CAP2: variants seen among roughly 807,000 people sequenced by gnomAD.
CAP2 encodes cyclase associated actin cytoskeleton regulatory protein 2, also known as adenylyl cyclase-associated protein 2.
In CAP2, 24 loss-of-function variants were observed where a neutral mutation model predicts 57.7. The observed-to-expected ratio is 0.42, with a 90% confidence interval of 0.30 to 0.58. The LOEUF is 0.58. CAP2 is among the 20% of genes least tolerant of loss of function. The pLI, the probability that CAP2 is intolerant of heterozygous loss-of-function variation, is 0.22. For missense variants in CAP2, 501 were observed against 590.3 expected, an observed-to-expected ratio of 0.85 and a Z score of 1.57; for synonymous variants, 194 against 207.2, an observed-to-expected ratio of 0.94 and a Z score of 0.55.
At chr6:17,414,749 T>C (rs1759234400) in intron 1 of CAP2, among the ~76,000 whole-genome samples, 2 of 152,228 alleles carry the variant, frequency 1.3e-5, no homozygotes. Flanking sequence ...GAATGATTTA[T>C]AATCCTTTGG....
At chr6:17,531,038 G>T in intron 7 of CAP2, 1 of 875,542 alleles carries the variant, frequency 1.1e-6, no homozygotes, top group South Asian at 1.3e-5. Flanking sequence ...TTGCTTCTTT[G>T]AAGTGTTTTC....
intron 1 of CAP2, among the ~76,000 whole-genome samples, chr6:17,416,667 TA>T (rs1759283763): frequency 6.6e-6 from 1 of 152,036 alleles, no homozygotes; most frequent in Admixed American, 6.6e-5. Flanking sequence ...TATTTAGACA[TA>T]AGGGGGAAGG....
At chr6:17,464,210 CTTTGT>C (rs1760803869) in intron 4 of CAP2, among the ~76,000 whole-genome samples, 1 of 152,112 alleles carries the variant, frequency 6.6e-6, no homozygotes. Flanking sequence ...TACCAGCATA[CTTTGT>C]TTTATCAGAA....
At chr6:17,522,514 C>T (rs1762416236) in intron 7 of CAP2, among the ~76,000 whole-genome samples, 1 of 152,196 alleles carries the variant, frequency 6.6e-6, no homozygotes, top group Non-Finnish European at 1.5e-5. Flanking sequence ...GCACGAAGAG[C>T]CACAAAAGGG....
Position 17,513,993 on chromosome 6 carries a change from C to T in CAP2, c.636+39C>T, listed in dbSNP as rs751813629. 1.2e-5 allele frequency: 15 copies of T among 1,230,552 alleles called. No homozygotes were observed. The highest frequency in any genetic ancestry group is 3.0e-5 in the African/African-American group (2 of 67,356). The allele number at this position is 1,230,552 out of a possible 1,614,324, so 76.2% of individuals were successfully genotyped here. ...CTTCCTCCACGTGTGTAAAAAAAGG[C>T]CATGACTATATATACACCCTGTGGC... On this transcript the variant is annotated intron_variant, in intron 7 of 12. Transcript: ENST00000229922. This position sits in a 1 kb window ranked among gnomAD's most constrained non-coding sequence, Gnocchi z 4.3.
intron 1 of CAP2, among the ~76,000 whole-genome samples, chr6:17,407,478 TG>T (rs1418410172): frequency 2.8e-5 from 4 of 140,358 alleles, no homozygotes; most frequent in African/African-American, 1.1e-4. Context: ...GAACCTGTCT[TG>T]AAAAAAAAAA....
intron 11 of CAP2, among the ~76,000 whole-genome samples, chr6:17,543,664 C>T (rs1385625040): frequency 1.9e-4 from 29 of 151,580 alleles, no homozygotes. Flanking sequence ...CCTTGCTCCC[C>T]CATGGCCACC....
chr6:17,406,407 T>TG (rs1758972300), intron 1 of CAP2, among the ~76,000 whole-genome samples: 1 of 144,296 alleles, frequency 6.9e-6, no homozygotes, highest in Non-Finnish European at 1.5e-5. Flanking sequence ...TCTTTTTTTT[T>TG]TTTTTTGAGG....
intron 4 of CAP2, among the ~76,000 whole-genome samples, chr6:17,489,851 G>C (rs890640589): frequency 6.6e-6 from 1 of 151,862 alleles, no homozygotes; most frequent in African/African-American, 2.4e-5. Flanking sequence ...CATGATAGTT[G>C]TGCCATTTAG....
chr6:17,431,903 A>G (rs1236580050), intron 3 of CAP2, among the ~76,000 whole-genome samples: 1 of 152,040 alleles, frequency 6.6e-6, no homozygotes, highest in Non-Finnish European at 1.5e-5. Flanking sequence ...TCACCATTAT[A>G]AAGAGCATCT....
At position 17,438,147 on chromosome 6, in the gene CAP2, C is replaced by G. The variant is rs539819665; in HGVS notation, c.222+11457C>G. On this transcript the variant is annotated intron_variant, in intron 3 of 12. Coordinates refer to ENST00000229922, the MANE Select transcript of CAP2 (RefSeq NM_006366.3). ...CTTTGGGAGGCCAAGGTGGGCGGATCACAAGGTCAGGAGTTCAAGACCAGC... is the reference window on the plus strand; with the variant it reads ...CTTTGGGAGGCCAAGGTGGGCGGATGACAAGGTCAGGAGTTCAAGACCAGC... 2.7e-5 allele frequency among the ~76,000 whole-genome samples: 4 copies of G among 146,928 alleles called. No homozygotes were observed. In the South Asian group the frequency reaches 8.4e-4, roughly 31 times the overall value.
At chr6:17,422,089 T>A (rs1430589292) in intron 2 of CAP2, among the ~76,000 whole-genome samples, 1 of 152,232 alleles carries the variant, frequency 6.6e-6, no homozygotes, top group Non-Finnish European at 1.5e-5. Context: ...TTTCATTTAG[T>A]GTTCATACTG....
intron 7 of CAP2, among the ~76,000 whole-genome samples, chr6:17,532,451 A>T (rs1294501870): frequency 6.8e-6 from 1 of 147,534 alleles, no homozygotes; most frequent in Non-Finnish European, 1.5e-5. Flanking sequence ...GGGTTTGAAA[A>T]TCTTAGAGTT....
intron 3 of CAP2, among the ~76,000 whole-genome samples, chr6:17,455,882 GTC>G (rs1372273801): frequency 3.3e-5 from 5 of 152,170 alleles, no homozygotes. Context: ...TTGCCTCAGT[GTC>G]TCTCTCTGCC....
chr6:17,408,605 A>G (rs1178927788), intron 1 of CAP2, among the ~76,000 whole-genome samples: 3 of 152,110 alleles, frequency 2.0e-5, no homozygotes, highest in East Asian at 1.9e-4. Context: ...AGAATTTGAT[A>G]AAGTAAAACA....
intron 11 of CAP2, among the ~76,000 whole-genome samples, chr6:17,545,963 T>A (rs1763034883): frequency 1.3e-5 from 2 of 152,232 alleles, no homozygotes; most frequent in South Asian, 4.1e-4. Context: ...TTGGGTTGGT[T>A]CCAAGTCTTT....
intron 4 of CAP2, among the ~76,000 whole-genome samples, chr6:17,467,858 G>C (rs529309824): frequency 1.3e-5 from 2 of 152,042 alleles, no homozygotes; most frequent in African/African-American, 4.8e-5. Flanking sequence ...AATTATTATT[G>C]ACTACAGTCA....
At chr6:17,483,607 A>G (rs920365235) in intron 4 of CAP2, among the ~76,000 whole-genome samples, 2 of 152,218 alleles carry the variant, frequency 1.3e-5, no homozygotes, top group Admixed American at 1.3e-4. Flanking sequence ...AGAACCAAGT[A>G]CTGGTTCCTA....
At chr6:17,539,811 G>A (rs534822251) in intron 8 of CAP2, among the ~76,000 whole-genome samples, 1 of 152,360 alleles carries the variant, frequency 6.6e-6, no homozygotes, top group South Asian at 2.1e-4. Flanking sequence ...TGGGCATGGT[G>A]GCTCACACCT....
Sources: allele counts gnomAD v4.1 joint callset (sites outside exome capture counted in the v4.1 genomes callset), GRCh38; gene constraint gnomAD v4.1.1; non-coding constraint Gnocchi (gnomAD v3.1); transcripts MANE v1.5; gene names NCBI Gene and HGNC (gene_info 2026-07-23, HGNC 2026-07-21).